ZC3H18: variants seen among roughly 807,000 people sequenced by gnomAD.
ZC3H18 encodes zinc finger CCCH-type containing 18.
A neutral mutation model predicts 106.1 loss-of-function variants in ZC3H18; 8 were observed. The observed-to-expected ratio is 0.08, with a 90% CI of 0.04 to 0.14. ZC3H18 has a LOEUF of 0.14. Among genes scored for constraint, ZC3H18 ranks in the 10% least tolerant of loss-of-function variants. ZC3H18 has a pLI of 1.00. For synonymous variants in ZC3H18, 635 were observed against 522.1 expected, an observed-to-expected ratio of 1.22 and a Z score of -2.95; for missense variants, 1,318 against 1,278.4, an observed-to-expected ratio of 1.03 and a Z score of -0.47.
chr16:88,587,636 T>TC (rs1474466953), intron 3 of ZC3H18: 2 of 1,526,598 alleles, frequency 1.3e-6, no homozygotes, highest in Non-Finnish European at 1.8e-6. Context: ...CTATATTCAC[T>TC]CTCTTCAGTA....
chr16:88,598,617 T>C lies in ZC3H18; in HGVS notation c.838-3T>C. The C allele has an allele frequency of 6.2e-7, 1 of 1,607,696 alleles. No individual in the cohort carries two copies. The highest frequency in any genetic ancestry group is 8.5e-7 in the Non-Finnish European group (1 of 1,176,474). ...CACCTTCTCCCTTCTCGTTTTTCAA[T>C]AGGGTGGGCCGGTAGTTGATGAAAT... is the stretch of plus-strand genomic sequence containing the variant. On this transcript the variant is annotated splice_polypyrimidine_tract_variant and splice_region_variant and intron_variant, in intron 4 of 17. Coordinates refer to ENST00000301011, the MANE Select transcript of ZC3H18 (RefSeq NM_144604.4).
In ZC3H18 at chr16:88,627,969, T is replaced by C; in HGVS notation, c.2319T>C (p.Asp773=). The C allele has an allele frequency of 6.2e-7, 1 of 1,614,110 alleles. No homozygotes were observed. Among genetic ancestry groups the C allele is most frequent in the Non-Finnish European group, 8.5e-7 (1 of 1,180,032 alleles). ...DGVKEEKRKR[D]SSTQPPKSAK... is the part of the protein sequence containing the mutation. ...TTAAAGAGGAAAAGCGGAAAAGGGATTCGTCCACACAACCACCCAAATCTG... is the reference window on the plus strand; with the variant it reads ...TTAAAGAGGAAAAGCGGAAAAGGGACTCGTCCACACAACCACCCAAATCTG... Residue 773 remains aspartate, a synonymous_variant, in exon 15 of 18, where the codon GAT becomes GAC. Transcript: ENST00000301011. The surrounding 1 kb of genome is among the most constrained non-coding windows in gnomAD (Gnocchi z 4.5).
intron 3 of ZC3H18, among the ~76,000 whole-genome samples, chr16:88,592,347 G>T (rs1232263798): frequency 6.6e-6 from 1 of 152,120 alleles, no homozygotes; most frequent in Non-Finnish European, 1.5e-5. Flanking sequence ...GCTCAGTTTT[G>T]AATCCTTGCA....
intron 2 of ZC3H18, among the ~76,000 whole-genome samples, chr16:88,584,015 A>G (rs917391134): frequency 6.6e-6 from 1 of 152,208 alleles, no homozygotes; most frequent in Non-Finnish European, 1.5e-5. Context: ...TTGTCTTTGC[A>G]TGATATTCTA....
chr16:88,574,531 T>G (rs1336306967), intron 1 of ZC3H18, among the ~76,000 whole-genome samples: 1 of 151,448 alleles, frequency 6.6e-6, no homozygotes, highest in Non-Finnish European at 1.5e-5. Flanking sequence ...TTTTGGCTTT[T>G]TTGTTTTTTG....
chr16:88,590,533 A>G (rs1349796503), intron 3 of ZC3H18, among the ~76,000 whole-genome samples: 2 of 146,302 alleles, frequency 1.4e-5, no homozygotes, highest in Non-Finnish European at 3.0e-5. Context: ...CATCTTCTTT[A>G]AACTGTGTCC....
intron 6 of ZC3H18, among the ~76,000 whole-genome samples, chr16:88,604,195 T>A (rs1371470775): frequency 3.3e-5 from 5 of 151,920 alleles, no homozygotes; most frequent in Non-Finnish European, 5.9e-5. Flanking sequence ...CTACAAAATA[T>A]ACAAAAATTA....
In ZC3H18 at chr16:88,577,456, C is replaced by T; in HGVS notation, c.333C>T (p.Asp111=). 1 of 1,612,022 alleles carries T rather than the reference C, an allele frequency of 6.2e-7. No homozygotes were observed. The highest frequency in any genetic ancestry group is 1.1e-5 in the South Asian group (1 of 90,942). The change falls in exon 2 of 18, where the codon GAC becomes GAT. Residue 111 remains aspartate, a synonymous_variant. Transcript: ENST00000301011. ...GDEGEEDRTS[D]LRDEASSVTR... ...AAGGGGAGGAAGACCGGACAAGCGA[C>T]CTTAGGGATGAGGCCTCCTCAGTCA...
chr16:88,590,560 A>ATTTATTTTT (rs1915685593), intron 3 of ZC3H18, among the ~76,000 whole-genome samples: 2 of 24,102 alleles, frequency 8.3e-5, no homozygotes, highest in South Asian at 8.9e-4. Context: ...GGGTTTCTTT[A>ATTTATTTTT]TTTCTTTTTT....
At chr16:88,626,600 A>T (rs530182374) in intron 13 of ZC3H18, 2 of 151,942 alleles carry the variant, frequency 1.3e-5, no homozygotes, top group East Asian at 3.9e-4. Flanking sequence ...TGATCCTCCC[A>T]CCGTGGTCTC....
At chr16:88,580,874 A>T (rs541122188) in intron 2 of ZC3H18, among the ~76,000 whole-genome samples, 1 of 152,096 alleles carries the variant, frequency 6.6e-6, no homozygotes, top group Admixed American at 6.6e-5. Flanking sequence ...CCCTGGTGTC[A>T]CGTCTACTAC....
At position 88,575,944 on chromosome 16, in the gene ZC3H18, A is replaced by G. The variant is rs1300688688; in HGVS notation, c.-14-1166A>G. Among the ~76,000 whole-genome samples, 8 of 152,350 alleles carry G rather than the reference A, an allele frequency of 5.3e-5. No individual in the cohort carries two copies. In the East Asian group the frequency reaches 1.3e-3, roughly 26 times the overall value. On this transcript the variant is annotated intron_variant, in intron 1 of 17. Coordinates refer to ENST00000301011, the MANE Select transcript of ZC3H18 (RefSeq NM_144604.4). ...GAGACGGAGTCTCACTCTGTCGCCC[A>G]GGCTGGAGTGCGGTGGCGCGATCTC... is the stretch of plus-strand genomic sequence containing the variant.
chr16:88,593,170 A>C (rs1915852197), intron 3 of ZC3H18, among the ~76,000 whole-genome samples: 1 of 152,174 alleles, frequency 6.6e-6, no homozygotes, highest in African/African-American at 2.4e-5. Context: ...TGCTCGCATG[A>C]TGACACGGAG....
chr16:88,602,295 A>T (rs1210482641), intron 6 of ZC3H18, among the ~76,000 whole-genome samples: 1 of 152,186 alleles, frequency 6.6e-6, no homozygotes, highest in East Asian at 1.9e-4. Context: ...AGCAGCACTT[A>T]TGTGTTGCAA....
intron 8 of ZC3H18, among the ~76,000 whole-genome samples, chr16:88,613,201 G>A (rs370211559): frequency 2.7e-4 from 41 of 152,326 alleles, no homozygotes; most frequent in African/African-American, 8.7e-4. Context: ...ACGTTGTAGC[G>A]TGGGTCAGTG....
At position 88,627,786 on chromosome 16, in the gene ZC3H18, C is replaced by T; in HGVS notation, c.2269+4C>T. The T allele has an allele frequency of 1.2e-6, 2 of 1,610,300 alleles. No individual in the cohort carries two copies. On this transcript the variant is annotated splice_donor_region_variant and intron_variant, in intron 14 of 17. Transcript: ENST00000301011. The surrounding 1 kb of genome is among the most constrained non-coding windows in gnomAD (Gnocchi z 4.5). The stretch of plus-strand genomic sequence containing the variant: ...GCCCAGACCAGGAAGGAGAAAGGTA[C>T]TCAGGAGCCCTGGTACCTTTGGGGA...
chr16:88,616,560 C>T (rs981090447), intron 8 of ZC3H18, among the ~76,000 whole-genome samples: 1 of 152,328 alleles, frequency 6.6e-6, no homozygotes, highest in Admixed American at 6.5e-5. Flanking sequence ...GTTTCCCCAG[C>T]GCAGAATTTC....
In ZC3H18 at chr16:88,577,213, G is replaced by T; in HGVS notation, c.90G>T (p.Arg30Ser). 1.2e-6 allele frequency: 2 copies of T among 1,613,200 alleles called. No individual in the cohort carries two copies. The highest frequency in any genetic ancestry group is 1.7e-6 in the Non-Finnish European group (2 of 1,179,550). ...PQGLSDDDIL[R>S]DSGSDQDLDG... The stretch of plus-strand genomic sequence containing the variant: ...GACTCTCGGACGATGACATTCTGAG[G>T]GACAGCGGGTCCGATCAGGATTTGG... The change falls in exon 2 of 18, where the codon AGG (arginine) becomes AGT (serine). Residue 30 changes from arginine to serine, a missense_variant. By Grantham distance (110) the Arg-to-Ser change is moderately radical. Coordinates refer to ENST00000301011, the MANE Select transcript of ZC3H18 (RefSeq NM_144604.4).
chr16:88,611,301 CAGCGCG>C lies in ZC3H18; in HGVS notation c.1251_1256del (p.Glu422_Arg423del), dbSNP rs549697843. 740 of 770,674 alleles carry C rather than the reference CAGCGCG, an allele frequency of 9.6e-4. 6 individuals are homozygous for C. The highest frequency in any genetic ancestry group is 3.1e-3 in the South Asian group (225 of 72,692). The allele number at this position is 770,674 out of a possible 1,614,324, so 47.7% of individuals were successfully genotyped here. On this transcript the variant is annotated inframe_deletion, in exon 8 of 18. Transcript: ENST00000301011. ...GCGGGAGCGAGAGAGAGAGAACAGA[CAGCGCG>C]AGCGCGAGCGGGAGCGGGAGCGGGA... is the stretch of plus-strand genomic sequence containing the variant.
Sources: gnomAD v4.1 joint callset for allele counts (sites outside exome capture counted in the v4.1 genomes callset) on GRCh38, gnomAD v4.1.1 for gene constraint, Gnocchi (gnomAD v3.1) non-coding constraint, MANE v1.5 for transcripts, NCBI Gene and HGNC (gene_info 2026-07-23, HGNC 2026-07-21) for gene names.